The following IPO11 variants were observed in gnomAD, a reference collection of about 807,000 sequenced individuals.
IPO11 encodes the protein importin-11.
IPO11 carries 66 observed loss-of-function variants against 143.2 expected under a neutral mutation model. That is an observed-to-expected ratio of 0.46 (90% CI 0.38 to 0.57). The LOEUF is 0.57. Among genes scored for constraint, IPO11 ranks in the 20% least tolerant of loss-of-function variants. IPO11 has a pLI of 0.00. For synonymous variants in IPO11, 385 were observed against 377.8 expected, an observed-to-expected ratio of 1.02 and a Z score of -0.22; for missense variants, 1,026 against 1,141.0, an observed-to-expected ratio of 0.90 and a Z score of 1.45.
chr5:62,455,701 G>A (rs774069664), intron 5 of IPO11, among the ~76,000 whole-genome samples: 1 of 152,004 alleles, frequency 6.6e-6, no homozygotes, highest in Non-Finnish European at 1.5e-5. Flanking sequence ...ATCAGCAGTT[G>A]AGAGCAAATT....
At position 62,435,212 on chromosome 5, in the gene IPO11, G is replaced by GTATATA. The variant is rs70981007; in HGVS notation, c.-6-2052_-6-2047dup. Among the ~76,000 whole-genome samples, 44 of 79,602 alleles carry GTATATA rather than the reference G, an allele frequency of 5.5e-4. 2 individuals carry two copies. The highest frequency in any genetic ancestry group is 2.1e-3 in the African/African-American group (39 of 18,268). The allele number at this position is 79,602 out of a possible 152,430, so 52.2% of individuals were successfully genotyped here. On this transcript the variant is annotated intron_variant, in intron 1 of 29. Coordinates refer to ENST00000325324, the MANE Select transcript of IPO11 (RefSeq NM_016338.5). ...TATGTATATATATGTATATATATGTGTATATATATATATATCAGAGCAGCT... is the reference window on the plus strand; with the variant it reads ...TATGTATATATATGTATATATATGTGTATATATATATATATATATATCAGAGCAGCT...
At chr5:62,597,580 A>C (rs904216261) in intron 28 of IPO11, among the ~76,000 whole-genome samples, 3 of 152,224 alleles carry the variant, frequency 2.0e-5, no homozygotes, top group Non-Finnish European at 4.4e-5. Flanking sequence ...GATTGGCTAA[A>C]ACTCTGATTA....
At chr5:62,532,183 C>T (rs1342999043) in intron 22 of IPO11, among the ~76,000 whole-genome samples, 1 of 152,170 alleles carries the variant, frequency 6.6e-6, no homozygotes, top group Non-Finnish European at 1.5e-5. Context: ...TGCTTAGTCT[C>T]CACAACGTTC....
intron 26 of IPO11, among the ~76,000 whole-genome samples, chr5:62,558,358 T>C (rs1348874406): frequency 2.0e-5 from 3 of 152,212 alleles, no homozygotes; most frequent in African/African-American, 7.2e-5. Flanking sequence ...TTTTGAAGTG[T>C]TCAAGAACTA....
chr5:62,502,820 C>CT (rs1313313399), intron 16 of IPO11, among the ~76,000 whole-genome samples: 7 of 151,326 alleles, frequency 4.6e-5, no homozygotes, highest in Non-Finnish European at 1.0e-4. Context: ...TTCCTTTTTC[C>CT]TTTTTTCCTT....
intron 22 of IPO11, among the ~76,000 whole-genome samples, chr5:62,534,412 C>T (rs530832192): frequency 2.6e-5 from 4 of 152,234 alleles, no homozygotes; most frequent in African/African-American, 7.2e-5. Flanking sequence ...TAATAATTCA[C>T]TCCCTTTCCT....
In IPO11 at chr5:62,515,504, A is replaced by G; in HGVS notation, c.1896+3A>G. 6.4e-7 allele frequency: 1 copy of G among 1,571,456 alleles called. No individual in the cohort carries two copies. Among genetic ancestry groups the G allele is most frequent in the South Asian group, 1.2e-5 (1 of 85,006 alleles). On this transcript the variant is annotated splice_donor_region_variant and intron_variant, in intron 20 of 29. Transcript: ENST00000325324. ...CAACACTTATTCATCTTGTTCAGGT[A>G]AGTCACTTCTCCACAGAGTTTTTTT...
chr5:62,613,710 C>T (rs1414451909), intron 29 of IPO11, among the ~76,000 whole-genome samples: 1 of 152,014 alleles, frequency 6.6e-6, no homozygotes, highest in African/African-American at 2.4e-5. Context: ...TTTATGATTT[C>T]CCAAGTCTCG....
chr5:62,498,116 A>G (rs546528917), intron 16 of IPO11, among the ~76,000 whole-genome samples: 1 of 152,222 alleles, frequency 6.6e-6, no homozygotes, highest in South Asian at 2.1e-4. Flanking sequence ...TTCAATACCC[A>G]CAAATTTTTC....
chr5:62,568,358 GT>G (rs1242652151), intron 27 of IPO11, among the ~76,000 whole-genome samples: 1 of 150,810 alleles, frequency 6.6e-6, no homozygotes, highest in Non-Finnish European at 1.5e-5. Flanking sequence ...GCATTTTTCA[GT>G]TTGTCCATTG....
chr5:62,427,993 C>T (rs2112110094), intron 1 of IPO11, among the ~76,000 whole-genome samples: 1 of 152,228 alleles, frequency 6.6e-6, no homozygotes, highest in East Asian at 1.9e-4. Context: ...AAAGAATTTT[C>T]TTGTCCAAAC....
intron 27 of IPO11, among the ~76,000 whole-genome samples, chr5:62,584,293 G>C (rs1190594867): frequency 6.6e-6 from 1 of 152,012 alleles, no homozygotes; most frequent in Non-Finnish European, 1.5e-5. Flanking sequence ...GACTTCAATA[G>C]TAGTGATCAG....
chr5:62,461,690 C>T (rs1352985043), intron 5 of IPO11, among the ~76,000 whole-genome samples: 1 of 152,156 alleles, frequency 6.6e-6, no homozygotes, highest in East Asian at 1.9e-4. Flanking sequence ...AAATTTCTGT[C>T]TCAAATGCTA....
chr5:62,584,750 G>GTT (rs546235754), intron 27 of IPO11, among the ~76,000 whole-genome samples: 13 of 131,424 alleles, frequency 9.9e-5, no homozygotes, highest in Admixed American at 3.0e-4. Flanking sequence ...TTTTGTTTTT[G>GTT]TTTTTTTTTT....
intron 1 of IPO11, among the ~76,000 whole-genome samples, chr5:62,433,097 A>G (rs1580170759): frequency 7.1e-6 from 1 of 141,190 alleles, no homozygotes; most frequent in Non-Finnish European, 1.5e-5. Context: ...GAACCTTTTT[A>G]TTTTGGAACA....
At chr5:62,497,323 A>G (rs1741190907) in intron 16 of IPO11, among the ~76,000 whole-genome samples, 1 of 152,116 alleles carries the variant, frequency 6.6e-6, no homozygotes, top group Non-Finnish European at 1.5e-5. Context: ...AGTTACCCAT[A>G]TTTTCATTTG....
chr5:62,558,310 TAAG>T (rs1743646589), intron 26 of IPO11, among the ~76,000 whole-genome samples: 1 of 152,236 alleles, frequency 6.6e-6, no homozygotes, highest in Non-Finnish European at 1.5e-5. Context: ...CTATCAATAA[TAAG>T]CTAGTTTAGA....
intron 5 of IPO11, among the ~76,000 whole-genome samples, chr5:62,460,902 A>G (rs572465299): frequency 3.1e-4 from 47 of 152,062 alleles, no homozygotes; most frequent in Non-Finnish European, 5.4e-4. Flanking sequence ...TTCTGTAAGC[A>G]TGTATCAGTT....
intron 27 of IPO11, among the ~76,000 whole-genome samples, chr5:62,566,387 G>T (rs891257661): frequency 6.6e-6 from 1 of 152,074 alleles, no homozygotes; most frequent in African/African-American, 2.4e-5. Flanking sequence ...CAATGATGTT[G>T]AGTTTTTTTT....
Sources: gnomAD v4.1 joint callset for allele counts (sites outside exome capture counted in the v4.1 genomes callset) on GRCh38, gnomAD v4.1.1 for gene constraint, MANE v1.5 for transcripts, NCBI Gene and HGNC (gene_info 2026-07-23, HGNC 2026-07-21) for gene names.